The following L3MBTL3 variants were observed in gnomAD, a reference collection of about 807,000 sequenced individuals.
L3MBTL3 encodes L3MBTL histone methyl-lysine binding protein 3.
L3MBTL3 carries 27 observed loss-of-function variants against 102.3 expected under a neutral mutation model. That is an observed-to-expected ratio of 0.26 (90% CI 0.19 to 0.36). The LOEUF (loss-of-function observed/expected upper bound fraction) is 0.36. L3MBTL3 is among the 10% of genes least tolerant of loss of function. The probability of loss-of-function intolerance (pLI) is 1.00; values close to 1 mark genes in which losing one functional copy is unlikely to be tolerated. For synonymous variants in L3MBTL3, 340 were observed against 320.9 expected (o/e 1.06, Z -0.64); for missense variants, 798 against 955.3 (o/e 0.84, Z 2.17).
In L3MBTL3 at chr6:130,086,149, C is replaced by T; in HGVS notation, c.1417C>T (p.His473Tyr). 2 of 1,611,920 alleles carry T rather than the reference C, an allele frequency of 1.2e-6. No individual in the cohort carries two copies. The highest frequency in any genetic ancestry group is 1.7e-6 in the Non-Finnish European group (2 of 1,178,648). The change falls in exon 16 of 23, where the codon CAT (histidine) becomes TAT (tyrosine). Residue 473 changes from histidine (H) to tyrosine (Y), a missense_variant. Transcript: ENST00000361794. The stretch of plus-strand genomic sequence containing the variant: ...TTTTTTTTTGTGGCAGAAACCTCCT[C>T]ATGGATTCCAGAAAAAAATGAAGCT... ...PARAFKVKPP[H>Y]GFQKKMKLEV...
intron 19 of L3MBTL3, among the ~76,000 whole-genome samples, chr6:130,106,614 C>G (rs1164340769): frequency 6.6e-6 from 1 of 152,154 alleles, no homozygotes; most frequent in African/African-American, 2.4e-5. Flanking sequence ...GCTGAAATGG[C>G]TCCACTCAGA....
chr6:130,118,356 A>G (rs931807874), intron 19 of L3MBTL3, among the ~76,000 whole-genome samples: 1 of 152,208 alleles, frequency 6.6e-6, no homozygotes, highest in African/African-American at 2.4e-5. Flanking sequence ...TCTTTGGCTC[A>G]TACTGTGTTC....
chr6:130,034,460 C>T (rs888363096), intron 2 of L3MBTL3, among the ~76,000 whole-genome samples: 7 of 152,124 alleles, frequency 4.6e-5, no homozygotes, highest in African/African-American at 1.4e-4. Flanking sequence ...CACATCTTTT[C>T]TACTTATTTC....
intron 18 of L3MBTL3, among the ~76,000 whole-genome samples, chr6:130,098,840 T>C (rs1444493690): frequency 6.6e-6 from 1 of 151,058 alleles, no homozygotes; most frequent in East Asian, 1.9e-4. Context: ...AGTGGCCTGA[T>C]AGAGCCTGCC....
intron 13 of L3MBTL3, 129 bp from the exon 14 acceptor site, chr6:130,078,429 C>G: frequency 1.8e-6 from 1 of 566,814 alleles, no homozygotes; most frequent in East Asian, 3.0e-5. Context: ...CATTTTTTTC[C>G]AAATTAGATT....
At chr6:130,118,190 G>T (rs567816519) in intron 19 of L3MBTL3, among the ~76,000 whole-genome samples, 12 of 152,160 alleles carry the variant, frequency 7.9e-5, no homozygotes, top group African/African-American at 2.9e-4. Context: ...AATAAAAGAC[G>T]ATTGAATCCA....
intron 19 of L3MBTL3, among the ~76,000 whole-genome samples, chr6:130,105,621 C>A (rs373160191): frequency 0.02 from 2,498 of 122,220 alleles, no homozygotes; most frequent in Admixed American, 0.023. Context: ...GACCCTGTCT[C>A]AAAAAAAAAA....
intron 13 of L3MBTL3, among the ~76,000 whole-genome samples, chr6:130,077,538 A>T (rs972244943): frequency 1.3e-5 from 2 of 152,256 alleles, no homozygotes; most frequent in Non-Finnish European, 2.9e-5. Flanking sequence ...AACCATCAGC[A>T]TTCAGTAGTG....
chr6:130,108,680 G>GT (rs544895373), intron 19 of L3MBTL3, among the ~76,000 whole-genome samples: 2,736 of 151,600 alleles, frequency 0.018, 46 homozygotes, highest in Non-Finnish European at 0.03. Context: ...ATTTTATTTG[G>GT]TATTTATTTA....
intron 14 of L3MBTL3, among the ~76,000 whole-genome samples, chr6:130,079,148 C>G (rs1406381334): frequency 1.3e-5 from 2 of 152,206 alleles, no homozygotes; most frequent in Non-Finnish European, 2.9e-5. Context: ...ATGTCAGCAT[C>G]AGTCCTCACA....
intron 18 of L3MBTL3, among the ~76,000 whole-genome samples, chr6:130,098,825 T>C (rs1355877364): frequency 6.6e-6 from 1 of 151,322 alleles, no homozygotes; most frequent in African/African-American, 2.4e-5. Flanking sequence ...ATTCATGCAA[T>C]GCACAGTGGC....
At position 130,106,287 on chromosome 6, in the gene L3MBTL3, C is replaced by T. The variant is rs796345658; in HGVS notation, c.1886+1712C>T. Among the ~76,000 whole-genome samples the T allele has an allele frequency of 6.6e-5, 10 of 152,040 alleles. 1 individual carries two copies. In the South Asian group the frequency reaches 2.1e-3, roughly 32 times the overall value. On this transcript the variant is annotated intron_variant, in intron 19 of 22. Transcript: ENST00000361794. ...TTTGAGTCAATGAGGTCTGACCTGC[C>T]ATTACTTTTCCTTGTCTTTTCACTG...
chr6:130,105,155 A>T (rs899798535), intron 19 of L3MBTL3, among the ~76,000 whole-genome samples: 1 of 152,232 alleles, frequency 6.6e-6, no homozygotes, highest in East Asian at 1.9e-4. Context: ...TTAACTGAGG[A>T]TGCTATTAAA....
At chr6:130,129,194 G>T (rs1474396528) in intron 20 of L3MBTL3, among the ~76,000 whole-genome samples, 1 of 151,896 alleles carries the variant, frequency 6.6e-6, no homozygotes, top group Non-Finnish European at 1.5e-5. Flanking sequence ...ACAAAACATT[G>T]GTCTTTATGC....
At chr6:130,057,548 C>A in intron 9 of L3MBTL3, 51 bp downstream of exon 9, 1 of 1,369,834 alleles carries the variant, frequency 7.3e-7, no homozygotes, top group Non-Finnish European at 1.0e-6. Context: ...AGCTGGGATA[C>A]CAGCCTGAAT....
chr6:130,131,604 T>A (rs1787048386), intron 20 of L3MBTL3, among the ~76,000 whole-genome samples: 1 of 151,740 alleles, frequency 6.6e-6, no homozygotes, highest in African/African-American at 2.4e-5. Context: ...GTCCAGAGAG[T>A]GAAGTGAGGA....
intron 3 of L3MBTL3, among the ~76,000 whole-genome samples, chr6:130,043,224 A>G (rs898363458): frequency 6.6e-6 from 1 of 152,210 alleles, no homozygotes; most frequent in Non-Finnish European, 1.5e-5. Context: ...TAAAAACTGG[A>G]TAATGTTAAA....
chr6:130,075,452 T>TA (rs1782890899), intron 13 of L3MBTL3, among the ~76,000 whole-genome samples: 1 of 152,170 alleles, frequency 6.6e-6, no homozygotes, highest in Non-Finnish European at 1.5e-5. Flanking sequence ...GCAGCCAGTT[T>TA]ATTCAGTGCA....
chr6:130,098,705 G>A (rs1257820027), intron 18 of L3MBTL3, among the ~76,000 whole-genome samples: 3 of 152,086 alleles, frequency 2.0e-5, no homozygotes, highest in Admixed American at 2.0e-4. Flanking sequence ...TATAGATGAG[G>A]AGACAGAGAA....
Sources: allele counts gnomAD v4.1 joint callset (sites outside exome capture counted in the v4.1 genomes callset), GRCh38; gene constraint gnomAD v4.1.1; transcripts MANE v1.5; gene names NCBI Gene and HGNC (gene_info 2026-07-23, HGNC 2026-07-21).